The following ETV3 variants were observed in gnomAD, a reference collection of about 807,000 sequenced individuals.
ETV3 encodes ETS variant transcription factor 3, also known as ETS translocation variant 3.
Under a neutral mutation model 33.0 loss-of-function variants are expected in ETV3, and 8 were observed. That is an observed-to-expected ratio of 0.24 (90% CI 0.14 to 0.44). ETV3 has a LOEUF of 0.44. Among genes scored for constraint, ETV3 ranks in the 20% least tolerant of loss-of-function variants. The pLI is 1.00. For missense variants in ETV3, 473 were observed against 652.3 expected, an observed-to-expected ratio of 0.73 and a Z score of 2.99; for synonymous variants, 222 against 238.9, an observed-to-expected ratio of 0.93 and a Z score of 0.65.
At chr1:157,133,580 A>C in intron 4 of ETV3, 4 of 986,726 alleles carry the variant, frequency 4.1e-6, no homozygotes, top group Non-Finnish European at 4.8e-6. Flanking sequence ...GTAACCCCAG[A>C]ATCTTTTTCT....
chr1:157,131,418 T>A (rs1176412246), intron 4 of ETV3, among the ~76,000 whole-genome samples: 1 of 152,242 alleles, frequency 6.6e-6, no homozygotes, highest in African/African-American at 2.4e-5. Flanking sequence ...CAGCTCTATT[T>A]AGAGTACTTA....
rs1477715608 is a variant in ETV3, at chr1:157,122,736, T to G, written c.*2105A>C. ...GCCAAGCAGACATCCCTCATTCACC[T>G]GCTGGGCTTGCTTTCTGATTCAGAG... On this transcript the variant is annotated 3_prime_UTR_variant, in exon 5 of 5. Transcript: ENST00000368192. 1 of 152,232 alleles carries G rather than the reference T, an allele frequency of 6.6e-6. No homozygotes were observed. The highest frequency in any genetic ancestry group is 2.4e-5 in the African/African-American group (1 of 41,452). The allele number at this position is 152,232 out of a possible 1,614,324, so 9.4% of individuals were successfully genotyped here. A position where few individuals can be genotyped will look rare whatever the true frequency, so the allele number is the denominator to read the frequency against.
chr1:157,134,256 G>A (rs745773653), intron 3 of ETV3, 29 bp from the exon 4 acceptor site: 19 of 1,604,138 alleles, frequency 1.2e-5, no homozygotes, highest in South Asian at 6.7e-5. Flanking sequence ...ATGTCCATTC[G>A]TCTTGTAGCT....
chr1:157,125,737 T>C lies in ETV3; in HGVS notation c.643A>G (p.Ile215Val), dbSNP rs1674820861. 6.4e-7 allele frequency: 1 copy of C among 1,551,610 alleles called. No individual in the cohort carries two copies. Among genetic ancestry groups the C allele is most frequent in the Non-Finnish European group, 8.7e-7 (1 of 1,146,956 alleles). Residue 215 changes from isoleucine (I) to valine (V), a missense_variant, in exon 5 of 5, where the codon ATT becomes GTT. By Grantham distance (29) the Ile-to-Val change is conservative. Transcript: ENST00000368192. This position sits in a 1 kb window ranked among gnomAD's most constrained non-coding sequence, Gnocchi z 4.0. The stretch of plus-strand genomic sequence containing the variant: ...TGATGGCCAATCCCTCCTCCACCAA[T>C]GGCATTCCTGGAGGACACGGGATCC... ...GVDPVSSRNA[I>V]GGGGIGHQKR...
At position 157,134,223 on chromosome 1, in the gene ETV3, A is replaced by G. The variant is rs1675040917; in HGVS notation, c.289T>C (p.Tyr97His). The part of the protein sequence containing the change: ...YDKLSRALRY[Y>H]YNKRILHKTK... ...TTATGAAGGATCCTCTTGTTGTAATAGTATCTGTAAAAACAGGAATACATG... is the reference window on the plus strand; with the variant it reads ...TTATGAAGGATCCTCTTGTTGTAATGGTATCTGTAAAAACAGGAATACATG... The change falls in exon 4 of 5, where the codon TAT becomes CAT. Residue 97 changes from tyrosine to histidine, a missense_variant. This residue lies in a region of ETV3 where 30 missense variants were observed against 94.9 expected (regional missense o/e 0.32). Transcript: ENST00000368192. 1 of 1,611,810 alleles carries G rather than the reference A, an allele frequency of 6.2e-7. No individual in the cohort carries two copies. The highest frequency in any genetic ancestry group is 1.7e-5 in the Admixed American group (1 of 59,564).
At chr1:157,137,526 ACACAC>A in intron 1 of ETV3, among the ~76,000 whole-genome samples, 1 of 150,934 alleles carries the variant, frequency 6.6e-6, no homozygotes. Flanking sequence ...ACACACACAC[ACACAC>A]ACACACACAC....
Position 157,125,782 on chromosome 1 carries a change from C to T in ETV3, c.598G>A (p.Ala200Thr), listed in dbSNP as rs761046793. 1 of 1,551,704 alleles carries T rather than the reference C, an allele frequency of 6.4e-7. No individual in the cohort carries two copies. The highest frequency in any genetic ancestry group is 8.7e-7 in the Non-Finnish European group (1 of 1,146,986). Residue 200 changes from alanine (A) to threonine (T), a missense_variant, in exon 5 of 5, where the codon GCT becomes ACT. Around this residue, in one of 3 missense-constraint regions of ETV3, gnomAD observed 410 missense variants for 520.2 expected, o/e 0.79. Transcript: ENST00000368192. The surrounding 1 kb of genome is among the most constrained non-coding windows in gnomAD (Gnocchi z 4.0). ...GGATCCACACCCCGGCGCCAGTCAG[C>T]AGCTGAGCCATCCTCCAGCTCTGAA... The part of the protein sequence containing the change: ...ELSELEDGSA[A>T]DWRRGVDPVS...
rs983381126 is a variant in ETV3, at chr1:157,125,049, G to A, written c.1331C>T (p.Pro444Leu). The change falls in exon 5 of 5, where the codon CCT becomes CTT. Residue 444 changes from proline (P) to leucine (L), a missense_variant. Transcript: ENST00000368192. This position sits in a 1 kb window ranked among gnomAD's most constrained non-coding sequence, Gnocchi z 4.0. ...SVPISTPSGEPLEVTEDSEDR... is the reference protein window; with the variant it reads ...SVPISTPSGELLEVTEDSEDR... ...CTCACTGTCTTCAGTCACCTCCAGAGGTTCTCCACTTGGGGTGCTAATGGG... is the reference window on the plus strand; with the variant it reads ...CTCACTGTCTTCAGTCACCTCCAGAAGTTCTCCACTTGGGGTGCTAATGGG... The A allele has an allele frequency of 1.9e-6, 3 of 1,550,104 alleles. No individual in the cohort carries two copies. Among genetic ancestry groups the A allele is most frequent in the African/African-American group, 2.7e-5 (2 of 72,968 alleles).
chr1:157,128,542 G>GA (rs540709646), intron 4 of ETV3: 219 of 261,918 alleles, frequency 8.4e-4, no homozygotes, highest in African/African-American at 4.7e-3. Context: ...ATTACCTGGG[G>GA]AGAGGATACC....
chr1:157,124,764 CCA>C lies in ETV3; in HGVS notation c.*75_*76del. The stretch of plus-strand genomic sequence containing the variant: ...TCAAACCAGTTTAACTCCCTCCCCC[CCA>C]CCCTGAAATCTTGCTACATAAATAC... On this transcript the variant is annotated 3_prime_UTR_variant, in exon 5 of 5. Transcript: ENST00000368192. 2.5e-6 allele frequency: 1 copy of C among 405,938 alleles called. No homozygotes were observed. The highest frequency in any genetic ancestry group is 4.2e-6 in the Non-Finnish European group (1 of 236,388). 25.1% of individuals were successfully genotyped at this position (405,938 alleles called of 1,614,324 possible). A position where few individuals can be genotyped will look rare whatever the true frequency, so the allele number is the denominator to read the frequency against.
chr1:157,125,902 G>C lies in ETV3; in HGVS notation c.478C>G (p.Pro160Ala), dbSNP rs1463868333. ...CGTCCCGGCTGCACATCATTGGTTGGAGAATGGGTGTCCAGAGGTGGGAAA... is the reference window on the plus strand; with the variant it reads ...CGTCCCGGCTGCACATCATTGGTTGCAGAATGGGTGTCCAGAGGTGGGAAA... ...FHFPPLDTHS[P>A]TNDVQPGRFS... Residue 160 changes from proline to alanine, a missense_variant, in exon 5 of 5, where the codon CCA becomes GCA. By Grantham distance (27) the Pro-to-Ala change is conservative (BLOSUM62 -1). Around this residue, in one of 3 missense-constraint regions of ETV3, gnomAD observed 410 missense variants for 520.2 expected, o/e 0.79. Coordinates refer to ENST00000368192, the MANE Select transcript of ETV3 (RefSeq NM_001145312.3). This position sits in a 1 kb window ranked among gnomAD's most constrained non-coding sequence, Gnocchi z 4.0. 2 of 1,551,806 alleles carry C rather than the reference G, an allele frequency of 1.3e-6. No individual in the cohort carries two copies. Among genetic ancestry groups the C allele is most frequent in the Non-Finnish European group, 1.7e-6 (2 of 1,147,022 alleles).
chr1:157,133,570 G>T, intron 4 of ETV3: 1 of 986,644 alleles, frequency 1.0e-6, no homozygotes, highest in South Asian at 4.7e-5. Flanking sequence ...AGAAGGTCAA[G>T]TAACCCCAGA....
chr1:157,135,834 G>T, intron 2 of ETV3, 126 bp from the exon 3 acceptor site: 1 of 942,136 alleles, frequency 1.1e-6, no homozygotes, highest in Non-Finnish European at 1.6e-6. Flanking sequence ...AGTACTCTCA[G>T]TCAGCTGGGC....
rs1399033746 is a variant in ETV3, at chr1:157,123,485, ACAC to A, written c.*1353_*1355del. ...GCAAATGGGTATGGCAAGAATGGGA[ACAC>A]CACAACAGGACAGATGCCAACTCTC... On this transcript the variant is annotated 3_prime_UTR_variant, in exon 5 of 5. Coordinates refer to ENST00000368192, the MANE Select transcript of ETV3 (RefSeq NM_001145312.3). 4 of 152,232 alleles carry A rather than the reference ACAC, an allele frequency of 2.6e-5. No individual in the cohort carries two copies. The highest frequency in any genetic ancestry group is 5.9e-5 in the Non-Finnish European group (4 of 68,054). 9.4% of individuals were successfully genotyped at this position (152,232 alleles called of 1,614,324 possible).
intron 4 of ETV3, chr1:157,133,659 TG>T: frequency 1.0e-6 from 1 of 989,504 alleles, no homozygotes; most frequent in Non-Finnish European, 1.2e-6. Context: ...CCCCCTTCTC[TG>T]ATCAAGGATG....
intron 2 of ETV3, 83 bp downstream of exon 2, chr1:157,136,224 T>G (rs1324950177): frequency 4.5e-6 from 6 of 1,332,780 alleles, no homozygotes; most frequent in Non-Finnish European, 5.4e-6. Context: ...GGTCTGACAT[T>G]TGTGAACAGA....
chr1:157,137,235 T>A (rs7534733), intron 1 of ETV3, among the ~76,000 whole-genome samples: 2 of 151,670 alleles, frequency 1.3e-5, no homozygotes, highest in Non-Finnish European at 2.9e-5. Flanking sequence ...CAGAGGGACA[T>A]GGAGGGAGGG....
At chr1:157,129,129 G>A (rs1312733847) in intron 4 of ETV3, among the ~76,000 whole-genome samples, 4 of 152,194 alleles carry the variant, frequency 2.6e-5, no homozygotes, top group African/African-American at 9.6e-5. Flanking sequence ...TGAAGATAAG[G>A]CAGCAATGTC....
intron 4 of ETV3, among the ~76,000 whole-genome samples, chr1:157,126,419 A>G (rs533799291): frequency 6.6e-6 from 1 of 152,254 alleles, no homozygotes; most frequent in Non-Finnish European, 1.5e-5. Context: ...TTCAATTTTT[A>G]GCTCTGCAAA....
Sources: allele counts gnomAD v4.1 joint callset (sites outside exome capture counted in the v4.1 genomes callset), GRCh38; gene constraint gnomAD v4.1.1; regional missense constraint gnomAD v4.1.1; non-coding constraint Gnocchi (gnomAD v3.1); transcripts MANE v1.5; gene names NCBI Gene and HGNC (gene_info 2026-07-23, HGNC 2026-07-21).